The following FBXL20 variants were observed in gnomAD, a reference collection of about 807,000 sequenced individuals.
FBXL20 encodes the protein F-box/LRR-repeat protein 20.
A neutral mutation model predicts 64.0 loss-of-function variants in FBXL20; 11 were observed. The ratio of observed to expected loss-of-function variants is 0.17; its 90% CI spans 0.11 to 0.28. The LOEUF (loss-of-function observed/expected upper bound fraction) is 0.28, where lower values mean the gene tolerates loss of function less well. FBXL20 is among the 10% of genes least tolerant of loss of function. The pLI, the probability that FBXL20 is intolerant of heterozygous loss-of-function variation, is 1.00. For missense variants in FBXL20, 303 were observed against 526.2 expected (o/e 0.58, Z 4.15); for synonymous variants, 184 against 189.0 (o/e 0.97, Z 0.22).
chr17:39,366,801 T>G (rs2144626516), intron 1 of FBXL20, among the ~76,000 whole-genome samples: 1 of 152,298 alleles, frequency 6.6e-6, no homozygotes, highest in Middle Eastern at 3.4e-3. Context: ...TTTTGGAAGC[T>G]TTTAGTATAT....
intron 6 of FBXL20, among the ~76,000 whole-genome samples, chr17:39,295,602 CTTAAT>C (rs2090213060): frequency 6.6e-6 from 1 of 152,002 alleles, no homozygotes; most frequent in Admixed American, 6.6e-5. Context: ...TTCTTTTTGA[CTTAAT>C]TTTTGTTTGA....
intron 1 of FBXL20, among the ~76,000 whole-genome samples, chr17:39,369,609 C>A (rs2047895724): frequency 6.6e-6 from 1 of 152,032 alleles, no homozygotes; most frequent in South Asian, 2.1e-4. Flanking sequence ...GCTTGGCCTC[C>A]CAAAGTGCTG....
chr17:39,312,755 T>G (rs927114198), intron 2 of FBXL20, among the ~76,000 whole-genome samples: 10 of 145,758 alleles, frequency 6.9e-5, no homozygotes, highest in Non-Finnish European at 1.2e-4. Flanking sequence ...TTTTTTGTAT[T>G]TTTAGTAGAG....
chr17:39,339,781 C>T (rs937726002), intron 2 of FBXL20, among the ~76,000 whole-genome samples: 14 of 149,910 alleles, frequency 9.3e-5, no homozygotes, highest in Non-Finnish European at 1.5e-5. Context: ...GTAGCTGGGA[C>T]TACAGGCGCG....
At chr17:39,304,637 G>T (rs1374492161) in intron 2 of FBXL20, among the ~76,000 whole-genome samples, 1 of 152,040 alleles carries the variant, frequency 6.6e-6, no homozygotes, top group Non-Finnish European at 1.5e-5. Context: ...TGTCACCCAG[G>T]TTGGAATGCA....
At chr17:39,350,257 A>G (rs1194101911) in intron 1 of FBXL20, among the ~76,000 whole-genome samples, 1 of 152,154 alleles carries the variant, frequency 6.6e-6, no homozygotes, top group Non-Finnish European at 1.5e-5. Flanking sequence ...TTGGGAGGCC[A>G]AGGCGGGCTG....
chr17:39,378,465 G>A (rs755215904), intron 1 of FBXL20, among the ~76,000 whole-genome samples: 2 of 151,968 alleles, frequency 1.3e-5, no homozygotes, highest in Non-Finnish European at 2.9e-5. Context: ...AAAACTAAAC[G>A]GGCAAAGGAC....
chr17:39,387,620 C>G (rs2048095405), intron 1 of FBXL20, among the ~76,000 whole-genome samples: 1 of 150,366 alleles, frequency 6.7e-6, no homozygotes, highest in Non-Finnish European at 1.5e-5. Context: ...CTCTGTCTTC[C>G]AGGCTGGAGT....
chr17:39,302,666 C>T lies in FBXL20; in HGVS notation c.159+919G>A, dbSNP rs533728850. On this transcript the variant is annotated intron_variant, in intron 3 of 14. Transcript: ENST00000264658. The stretch of plus-strand genomic sequence containing the variant: ...GGGATTACAGGCGTGAGCCACTGCA[C>T]GCAGCCCTAATTTTTTAAATTTTCT... Among the ~76,000 whole-genome samples the T allele has an allele frequency of 8.7e-4, 133 of 152,286 alleles. 2 individuals carry two copies. The highest frequency in any genetic ancestry group is 2.7e-3 in the African/African-American group (114 of 41,558).
Position 39,341,060 on chromosome 17 carries a change from T to C in FBXL20, c.104+2120A>G, listed in dbSNP as rs139520271. On this transcript the variant is annotated intron_variant, in intron 2 of 14. Transcript: ENST00000264658. ...TGGGGTTTAAACAAAATTTCAAAATTTCAAGCAACTACTTTACATACATAA... is the reference window on the plus strand; with the variant it reads ...TGGGGTTTAAACAAAATTTCAAAATCTCAAGCAACTACTTTACATACATAA... Among the ~76,000 whole-genome samples the C allele has an allele frequency of 3.3e-4, 50 of 152,068 alleles. 1 individual carries two copies. The Middle Eastern group carries it at 0.017, about 52-fold the overall frequency.
intron 5 of FBXL20, among the ~76,000 whole-genome samples, chr17:39,298,130 T>A (rs536667635): frequency 1.6e-4 from 25 of 152,166 alleles, no homozygotes; most frequent in African/African-American, 6.0e-4. Context: ...TTATTTATTT[T>A]TAGAGACAGG....
intron 1 of FBXL20, among the ~76,000 whole-genome samples, chr17:39,394,718 A>C (rs1006169733): frequency 2.7e-5 from 4 of 150,378 alleles, no homozygotes; most frequent in African/African-American, 9.8e-5. Context: ...ACACTACTAC[A>C]CGTCTAATTT....
At chr17:39,328,890 C>T (rs2047434604) in intron 2 of FBXL20, among the ~76,000 whole-genome samples, 1 of 152,004 alleles carries the variant, frequency 6.6e-6, no homozygotes, top group African/African-American at 2.4e-5. Context: ...CCTATCTCTA[C>T]AAAAAATTTA....
At chr17:39,266,733 T>C (rs759141327) in intron 12 of FBXL20, among the ~76,000 whole-genome samples, 16 of 152,358 alleles carry the variant, frequency 1.1e-4, no homozygotes, top group East Asian at 7.7e-4. Context: ...TTAAATCCCA[T>C]TGGCTACCTG....
At chr17:39,296,579 A>G (rs993300768) in intron 6 of FBXL20, among the ~76,000 whole-genome samples, 6 of 151,474 alleles carry the variant, frequency 4.0e-5, no homozygotes, top group Admixed American at 2.0e-4. Context: ...AAAAAAAAAA[A>G]AAAAGAAATA....
At chr17:39,339,638 T>C (rs1688568639) in intron 2 of FBXL20, among the ~76,000 whole-genome samples, 1 of 149,068 alleles carries the variant, frequency 6.7e-6, no homozygotes, top group South Asian at 2.1e-4. Context: ...GAATAAGGTT[T>C]GTAGATTAGT....
intron 3 of FBXL20, among the ~76,000 whole-genome samples, chr17:39,301,524 T>G (rs963671674): frequency 6.6e-6 from 1 of 151,882 alleles, no homozygotes; most frequent in African/African-American, 2.4e-5. Context: ...GGTCAAGAGT[T>G]CGAGACCAGC....
chr17:39,369,484 G>C (rs2047893938), intron 1 of FBXL20, among the ~76,000 whole-genome samples: 1 of 151,754 alleles, frequency 6.6e-6, no homozygotes, highest in African/African-American at 2.4e-5. Context: ...TCGAACTCCT[G>C]ACCTCGTGAT....
chr17:39,357,602 G>A (rs889719585), intron 1 of FBXL20, among the ~76,000 whole-genome samples: 16 of 152,204 alleles, frequency 1.1e-4, no homozygotes, highest in Admixed American at 9.8e-4. Context: ...GCTAGAGTGC[G>A]GTGGCACAAA....
Sources: allele counts gnomAD v4.1 joint callset (sites outside exome capture counted in the v4.1 genomes callset), GRCh38; gene constraint gnomAD v4.1.1; transcripts MANE v1.5; gene names NCBI Gene and HGNC (gene_info 2026-07-23, HGNC 2026-07-21).